TMEM178B: variants seen among roughly 807,000 people sequenced by gnomAD.
The protein encoded by TMEM178B is transmembrane protein 178B.
A neutral mutation model predicts 31.0 loss-of-function variants in TMEM178B; 5 were observed. The ratio of observed to expected loss-of-function variants is 0.16; its 90% CI spans 0.08 to 0.34. The LOEUF is 0.34. Ranked by LOEUF, TMEM178B falls within the 10% of genes least tolerant of loss-of-function variation. The probability of loss-of-function intolerance (pLI) is 1.00; values close to 1 mark genes in which losing one functional copy is unlikely to be tolerated. For synonymous variants in TMEM178B, 164 were observed against 164.0 expected, an observed-to-expected ratio of 1.00 and a Z score of 0.00; for missense variants, 275 against 400.3, an observed-to-expected ratio of 0.69 and a Z score of 2.67.
the TMEM178B span, among the ~76,000 whole-genome samples, chr7:141,488,729 C>T: frequency 1.4e-4 from 21 of 152,012 alleles, no homozygotes; most frequent in Admixed American, 1.2e-3. Context: ...TGAGCCACCG[C>T]GCCCGGCCTG....
chr7:141,193,939 G>A (rs570844426), intron 1 of TMEM178B, among the ~76,000 whole-genome samples: 76 of 152,278 alleles, frequency 5.0e-4, no homozygotes, highest in African/African-American at 1.7e-3. Flanking sequence ...TTACTTGGCA[G>A]CAACAAGAAA....
At chr7:141,170,030 T>G (rs1413510223) in intron 1 of TMEM178B, among the ~76,000 whole-genome samples, 2 of 152,342 alleles carry the variant, frequency 1.3e-5, no homozygotes, top group South Asian at 2.1e-4. Flanking sequence ...GTATTTCACA[T>G]TCTTTGGCTT....
chr7:141,179,482 T>C (rs1796484140), intron 1 of TMEM178B, among the ~76,000 whole-genome samples: 1 of 151,854 alleles, frequency 6.6e-6, no homozygotes, highest in South Asian at 2.1e-4. Context: ...AATGTGCTGC[T>C]ACTGTAATAT....
At chr7:141,293,673 T>C (rs375583821) in intron 2 of TMEM178B, among the ~76,000 whole-genome samples, 3 of 152,190 alleles carry the variant, frequency 2.0e-5, no homozygotes, top group African/African-American at 7.2e-5. Context: ...TGCTTGATGT[T>C]GTTCTGCATG....
intron 2 of TMEM178B, among the ~76,000 whole-genome samples, chr7:141,274,557 A>G (rs919321853): frequency 4.6e-5 from 7 of 152,160 alleles, no homozygotes; most frequent in South Asian, 4.1e-4. Context: ...TTCTTTTTCT[A>G]TTCCGGCTCT....
intron 1 of TMEM178B, among the ~76,000 whole-genome samples, chr7:141,191,291 A>G (rs1419884117): frequency 6.6e-6 from 1 of 152,210 alleles, no homozygotes; most frequent in Non-Finnish European, 1.5e-5. Context: ...GGTTGCTCTT[A>G]TGAGCAAAGT....
At chr7:141,349,897 G>A (rs1445742059) in intron 2 of TMEM178B, among the ~76,000 whole-genome samples, 1 of 152,074 alleles carries the variant, frequency 6.6e-6, no homozygotes, top group Non-Finnish European at 1.5e-5. Context: ...TATTTACTGA[G>A]TTCTCACTAT....
chr7:141,362,947 G>A (rs1442810037), intron 2 of TMEM178B, among the ~76,000 whole-genome samples: 1 of 152,224 alleles, frequency 6.6e-6, no homozygotes, highest in African/African-American at 2.4e-5. Flanking sequence ...GATATGGCCG[G>A]AACCATGGCA....
In TMEM178B at chr7:141,074,642, A is replaced by C; in HGVS notation, c.332A>C (p.Lys111Thr). The change falls in exon 1 of 4, where the codon AAG becomes ACG. Residue 111 changes from lysine (K) to threonine (T), a missense_variant. Coordinates refer to ENST00000565468, the MANE Select transcript of TMEM178B (RefSeq NM_001195278.2). This position sits in a 1 kb window ranked among gnomAD's most constrained non-coding sequence, Gnocchi z 5.1. ...TCCACCAACATGGGCCTCTGGAGGAAGTGCCACCGGCAGGGCTTCGACCCC... is the reference window on the plus strand; with the variant it reads ...TCCACCAACATGGGCCTCTGGAGGACGTGCCACCGGCAGGGCTTCGACCCC... ...YNSTNMGLWR[K>T]CHRQGFDPEI... 6.6e-7 allele frequency: 1 copy of C among 1,525,792 alleles called. No homozygotes were observed. The highest frequency in any genetic ancestry group is 8.8e-7 in the Non-Finnish European group (1 of 1,138,840). The allele number at this position is 1,525,792 out of a possible 1,614,324, so 94.5% of individuals were successfully genotyped here.
intron 2 of TMEM178B, among the ~76,000 whole-genome samples, chr7:141,433,110 C>T (rs959845158): frequency 2.6e-5 from 4 of 152,354 alleles, no homozygotes; most frequent in Middle Eastern, 3.4e-3. Context: ...TGACCCTCAA[C>T]TGTGCTGGCT....
At chr7:141,189,544 A>G (rs1327889545) in intron 1 of TMEM178B, among the ~76,000 whole-genome samples, 2 of 152,172 alleles carry the variant, frequency 1.3e-5, no homozygotes, top group Non-Finnish European at 2.9e-5. Context: ...AGCTTAGGGA[A>G]ACTGGTGACT....
At chr7:141,382,411 C>A (rs1177491486) in intron 2 of TMEM178B, among the ~76,000 whole-genome samples, 4 of 152,160 alleles carry the variant, frequency 2.6e-5, no homozygotes, top group Non-Finnish European at 5.9e-5. Context: ...GTCCCAGGAC[C>A]TTTGAGAATC....
Position 141,470,595 on chromosome 7 carries a change from C to A in TMEM178B, c.694C>A (p.Arg232Ser). ...GGCCGGGATCAACTTTGAGCTGTCA[C>A]GCTACCCACGCTACCTGTACGGACT... ...CVAGINFELS[R>S]YPRYLYGLPD... The change falls in exon 4 of 4, where the codon CGC (arginine) becomes AGC (serine). Residue 232 changes from arginine (R) to serine (S), a missense_variant. Physicochemically the swap from Arg to Ser is moderately radical, Grantham distance 110 (BLOSUM62 -1). Transcript: ENST00000565468. The A allele has an allele frequency of 6.5e-7, 1 of 1,535,140 alleles. No individual in the cohort carries two copies. The highest frequency in any genetic ancestry group is 2.4e-5 in the East Asian group (1 of 40,818).
At chr7:141,216,675 G>T in intron 2 of TMEM178B, among the ~76,000 whole-genome samples, 1 of 152,062 alleles carries the variant, frequency 6.6e-6, no homozygotes, top group East Asian at 1.9e-4. Context: ...TACTGTGGGT[G>T]CCTTTCGCCT....
chr7:141,255,999 C>T (rs1220021000), intron 2 of TMEM178B, among the ~76,000 whole-genome samples: 1 of 152,004 alleles, frequency 6.6e-6, no homozygotes, highest in African/African-American at 2.4e-5. Context: ...TCTATCCATC[C>T]TTCCATCCAT....
chr7:141,118,304 TG>T (rs1795352376), intron 1 of TMEM178B, among the ~76,000 whole-genome samples: 2 of 152,132 alleles, frequency 1.3e-5, no homozygotes, highest in Non-Finnish European at 2.9e-5. Context: ...GGCCCACAGG[TG>T]AGAGCCTGTG....
chr7:141,170,947 A>G (rs890695590), intron 1 of TMEM178B, among the ~76,000 whole-genome samples: 3 of 151,892 alleles, frequency 2.0e-5, no homozygotes, highest in Middle Eastern at 6.8e-3. Context: ...TACATGTTCT[A>G]CTTCACTCTG....
At chr7:141,078,649 A>T (rs577433972) in intron 1 of TMEM178B, among the ~76,000 whole-genome samples, 21 of 152,290 alleles carry the variant, frequency 1.4e-4, no homozygotes, top group African/African-American at 4.8e-4. Context: ...AGAGAAAGTG[A>T]TGGTGGATTG....
the TMEM178B span, among the ~76,000 whole-genome samples, chr7:141,510,703 A>AAAAAAAAAAAAAAAAAAAAG: frequency 7.0e-6 from 1 of 143,172 alleles, no homozygotes; most frequent in Admixed American, 6.8e-5. Flanking sequence ...AAAAAAAAAA[A>AAAAAAAAAAAAAAAAAAAAG]AAAAAAAAAG....
Sources: allele counts gnomAD v4.1 joint callset (sites outside exome capture counted in the v4.1 genomes callset), GRCh38; gene constraint gnomAD v4.1.1; non-coding constraint Gnocchi (gnomAD v3.1); transcripts MANE v1.5; gene names NCBI Gene and HGNC (gene_info 2026-07-23, HGNC 2026-07-21).